Variants in MAP3K20 observed in about 807,000 individuals in gnomAD.
MAP3K20 encodes mitogen-activated protein kinase kinase kinase 20.
In MAP3K20, 40 loss-of-function variants were observed where a neutral mutation model predicts 85.7. That is an observed-to-expected ratio of 0.47 (90% CI 0.36 to 0.61). The LOEUF is 0.61. Among genes scored for constraint, MAP3K20 ranks in the 20% least tolerant of loss-of-function variants. The probability of loss-of-function intolerance (pLI) is 0.00; values close to 1 mark genes in which losing one functional copy is unlikely to be tolerated. For synonymous variants in MAP3K20, 325 were observed against 327.7 expected (o/e 0.99, Z 0.09); for missense variants, 817 against 961.7 (o/e 0.85, Z 1.99).
At chr2:173,208,516 T>G (rs567876137) in intron 9 of MAP3K20, among the ~76,000 whole-genome samples, 3 of 152,338 alleles carry the variant, frequency 2.0e-5, no homozygotes, top group Admixed American at 6.5e-5. Flanking sequence ...CATTTTCCTC[T>G]TTGCTTATTA....
At chr2:173,192,927 T>C (rs960741223) in intron 7 of MAP3K20, 3 of 152,232 alleles carry the variant, frequency 2.0e-5, no homozygotes, top group African/African-American at 4.8e-5. Flanking sequence ...TTTTTGGCTT[T>C]GAGGGCCACT....
chr2:173,196,575 C>T (rs1160125460), intron 7 of MAP3K20, among the ~76,000 whole-genome samples: 1 of 152,122 alleles, frequency 6.6e-6, no homozygotes, highest in Admixed American at 6.5e-5. Context: ...CCCTGATTTT[C>T]CTGCTAATTA....
intron 2 of MAP3K20, among the ~76,000 whole-genome samples, chr2:173,144,565 G>A (rs952112523): frequency 6.6e-6 from 1 of 150,632 alleles, no homozygotes; most frequent in African/African-American, 2.5e-5. Context: ...GAGTGGGGGG[G>A]CATGCACCTG....
At position 173,198,102 on chromosome 2, in the gene MAP3K20, A is replaced by T; in HGVS notation, c.659A>T (p.Glu220Val). Residue 220 changes from glutamate (E) to valine (V), a missense_variant, in exon 8 of 20, where the codon GAA becomes GTA. By Grantham distance (121) the Glu-to-Val change is moderately radical. This residue lies in a region of MAP3K20 where 200 missense variants were observed against 302.7 expected (regional missense o/e 0.66). Coordinates refer to ENST00000375213, the MANE Select transcript of MAP3K20 (RefSeq NM_016653.3). This position sits in a 1 kb window ranked among gnomAD's most constrained non-coding sequence, Gnocchi z 5.8. Reference sequence around the variant, plus strand: ...TTACAAGTAGCTTGGCTTGTAGTGGAAAAAAACGAGGTAAGACTACGTTTC... The same window carrying T: ...TTACAAGTAGCTTGGCTTGTAGTGGTAAAAAACGAGGTAAGACTACGTTTC... ...EGLQVAWLVV[E>V]KNERLTIPSS... 6.2e-7 allele frequency: 1 copy of T among 1,611,818 alleles called. No homozygotes were observed. The highest frequency in any genetic ancestry group is 8.5e-7 in the Non-Finnish European group (1 of 1,178,504).
intron 1 of MAP3K20, among the ~76,000 whole-genome samples, chr2:173,082,137 G>A (rs1352204309): frequency 6.6e-6 from 1 of 151,982 alleles, no homozygotes; most frequent in Non-Finnish European, 1.5e-5. Context: ...GAGTAGCAGG[G>A]ACTACAGGCA....
intron 11 of MAP3K20, chr2:173,224,333 A>G: frequency 1.0e-6 from 1 of 985,408 alleles, no homozygotes; most frequent in Non-Finnish European, 1.2e-6. Context: ...ATGATCAGCA[A>G]TACGTTTAGA....
intron 2 of MAP3K20, among the ~76,000 whole-genome samples, chr2:173,120,732 G>T (rs1461343907): frequency 2.5e-5 from 3 of 118,798 alleles, no homozygotes; most frequent in Admixed American, 1.0e-4. Context: ...TTTTGAGATG[G>T]AGTCTCTCTC....
At chr2:173,182,989 T>C (rs758036389) in intron 4 of MAP3K20, 34 bp downstream of exon 4, 2 of 1,531,930 alleles carry the variant, frequency 1.3e-6, no homozygotes, top group African/African-American at 2.7e-5. Context: ...ATAGAATTAG[T>C]GGGGTGCATT....
chr2:173,210,613 A>G (rs79923447), intron 10 of MAP3K20: 5,155 of 152,328 alleles, frequency 0.034, 119 homozygotes, highest in Admixed American at 0.054. Context: ...ATTGTATTGC[A>G]TGAGTGGAAG....
chr2:173,166,935 C>T (rs1412170153), intron 2 of MAP3K20: 5 of 100,802 alleles, frequency 5.0e-5, no homozygotes, highest in African/African-American at 1.2e-4. Flanking sequence ...TTTTTTGAGA[C>T]GGAGTCTCGC....
chr2:173,234,815 G>A (rs544133796), intron 14 of MAP3K20, among the ~76,000 whole-genome samples: 1 of 152,312 alleles, frequency 6.6e-6, no homozygotes, highest in Admixed American at 6.5e-5. Context: ...CAGGCTGGGG[G>A]GAAAGAGCTG....
chr2:173,265,487 G>A (rs530413703), intron 19 of MAP3K20, among the ~76,000 whole-genome samples: 4 of 152,122 alleles, frequency 2.6e-5, no homozygotes, highest in Admixed American at 6.5e-5. Context: ...ACACGTGAAC[G>A]GTCTTTCTTC....
intron 18 of MAP3K20, among the ~76,000 whole-genome samples, chr2:173,262,936 T>C (rs1685330151): frequency 6.6e-6 from 1 of 152,318 alleles, no homozygotes; most frequent in South Asian, 2.1e-4. Context: ...TTAGACAGTT[T>C]TGGAGACAGC....
At chr2:173,201,423 T>C (rs1574103396) in intron 8 of MAP3K20, among the ~76,000 whole-genome samples, 1 of 152,308 alleles carries the variant, frequency 6.6e-6, no homozygotes, top group East Asian at 1.9e-4. Flanking sequence ...TTTTTATAAA[T>C]ACTTAAATTC....
intron 10 of MAP3K20, chr2:173,214,471 A>G (rs1404819888): frequency 6.6e-6 from 1 of 152,214 alleles, no homozygotes; most frequent in Non-Finnish European, 1.5e-5. Flanking sequence ...CGTGGTGACC[A>G]AAGTACTCTC....
chr2:173,170,476 A>C (rs1467000150), intron 3 of MAP3K20, among the ~76,000 whole-genome samples: 2 of 152,244 alleles, frequency 1.3e-5, no homozygotes, highest in African/African-American at 4.8e-5. Flanking sequence ...AGAAAGACAC[A>C]TATCTTCAAT....
intron 1 of MAP3K20, among the ~76,000 whole-genome samples, chr2:173,086,796 A>G (rs1324239158): frequency 6.6e-6 from 1 of 152,194 alleles, no homozygotes; most frequent in Non-Finnish European, 1.5e-5. Flanking sequence ...GCTTACATGA[A>G]TTCATACTGA....
chr2:173,187,012 A>G (rs1218688365), intron 4 of MAP3K20, among the ~76,000 whole-genome samples: 1 of 152,156 alleles, frequency 6.6e-6, no homozygotes, highest in African/African-American at 2.4e-5. Flanking sequence ...GTAACTAATC[A>G]GTCCTCCCAG....
intron 11 of MAP3K20, chr2:173,225,179 T>C: frequency 9.2e-6 from 9 of 981,682 alleles, no homozygotes; most frequent in Non-Finnish European, 1.1e-5. Flanking sequence ...CGAATGGTGT[T>C]TGAGAGTGTT....
Sources: gnomAD v4.1 joint callset for allele counts (sites outside exome capture counted in the v4.1 genomes callset) on GRCh38, gnomAD v4.1.1 for gene constraint, gnomAD v4.1.1 regional missense constraint, Gnocchi (gnomAD v3.1) non-coding constraint, MANE v1.5 for transcripts, NCBI Gene and HGNC (gene_info 2026-07-23, HGNC 2026-07-21) for gene names.